The following FGF13 variants were observed in gnomAD, a reference collection of about 807,000 sequenced individuals.
FGF13 encodes the protein fibroblast growth factor homologous factor 2.
Under a neutral mutation model 19.5 loss-of-function variants are expected in FGF13, and 2 were observed. The observed-to-expected ratio is 0.10, with a 90% CI of 0.04 to 0.32. The LOEUF (loss-of-function observed/expected upper bound fraction) is 0.32, where lower values mean the gene tolerates loss of function less well. FGF13 is among the 10% of genes least tolerant of loss of function. FGF13 has a pLI of 1.00. For synonymous variants in FGF13, 72 were observed against 76.9 expected, an observed-to-expected ratio of 0.94 and a Z score of 0.33; for missense variants, 113 against 192.7, an observed-to-expected ratio of 0.59 and a Z score of 2.45.
chrX:138,770,311 C>A (rs2090535405), intron 3 of FGF13, among the ~76,000 whole-genome samples: 2 of 111,029 alleles, frequency 1.8e-5, no homozygotes, highest in Non-Finnish European at 3.8e-5. Context: ...TATAATTTGC[C>A]ACACCCTCAG....
intron 3 of FGF13, among the ~76,000 whole-genome samples, chrX:138,806,032 G>T (rs2090864566): frequency 9.0e-6 from 1 of 111,500 alleles, no homozygotes; most frequent in African/African-American, 3.3e-5. Context: ...GGCTGTTAAT[G>T]AATAACTAGG....
At chrX:138,735,999 G>T (rs2090271576) in intron 1 of FGF13, among the ~76,000 whole-genome samples, 1 of 112,307 alleles carries the variant, frequency 8.9e-6, no homozygotes, top group African/African-American at 3.2e-5. Context: ...TATAAAACGA[G>T]AGACACTTAT....
chrX:138,719,174 G>A (rs2090130443), intron 1 of FGF13, among the ~76,000 whole-genome samples: 1 of 112,224 alleles, frequency 8.9e-6, no homozygotes, highest in African/African-American at 3.2e-5. Context: ...TTGCTCAACA[G>A]TGGTGCCTGG....
chrX:138,830,730 T>TGTGTG (rs1569406299), intron 3 of FGF13, among the ~76,000 whole-genome samples: 12 of 99,067 alleles, frequency 1.2e-4, no homozygotes, highest in East Asian at 3.2e-4. Context: ...TGTGTGTGTG[T>TGTGTG]TTTAAGCTAT....
rs1167915042 is a variant in FGF13 at position 138,628,911 on chromosome X, A to G, written c.*3939T>C. The G allele has an allele frequency of 8.9e-6, 1 of 112,029 alleles. No homozygotes were observed. The highest frequency in any genetic ancestry group is 3.2e-5 in the African/African-American group (1 of 30,834). 9.2% of individuals were successfully genotyped at this position (112,029 alleles called of 1,213,427 possible). On this transcript the variant is annotated 3_prime_UTR_variant, in exon 5 of 5. Transcript: ENST00000315930. ...ACAAACAAAACTCCTGGGAGGGGGA[A>G]TTGGAGCCTGTTTTGCTTTTAAAAA...
At chrX:138,776,153 C>T (rs1347905653) in intron 3 of FGF13, among the ~76,000 whole-genome samples, 1 of 112,237 alleles carries the variant, frequency 8.9e-6, no homozygotes. Flanking sequence ...TCTACCAAGA[C>T]TGATATTATG....
chrX:138,805,302 C>T (rs1283355110), intron 3 of FGF13, among the ~76,000 whole-genome samples: 1 of 111,524 alleles, frequency 9.0e-6, no homozygotes, highest in East Asian at 2.8e-4. Flanking sequence ...TCCCTTAAAC[C>T]CATTTAAAAT....
Position 138,984,693 on chromosome X carries a change from G to GAGA in FGF13, c.-112-120046_-112-120044dup, listed in dbSNP as rs778061986. ...GAAGGTGAAGGAGAAGAAGAAGGAG[G>GAGA]AGAAGAAGAAGAAGAGAAGGAGGAG... On this transcript the variant is annotated intron_variant, in intron 1 of 2. Transcript: ENST00000421460. 4.1e-3 allele frequency among the ~76,000 whole-genome samples: 291 copies of GAGA among 71,782 alleles called. 16 individuals are homozygous for GAGA. The highest frequency in any genetic ancestry group is 0.012 in the African/African-American group (217 of 17,872). The allele number at this position is 71,782 out of a possible 115,157, so 62.3% of individuals were successfully genotyped here. A position where few individuals can be genotyped will look rare whatever the true frequency, so the allele number is the denominator to read the frequency against.
intron 1 of FGF13, among the ~76,000 whole-genome samples, chrX:138,866,588 C>G (rs1473611852): frequency 9.0e-6 from 1 of 110,858 alleles, no homozygotes; most frequent in East Asian, 2.8e-4. Flanking sequence ...CCCACCACCA[C>G]TTACCACCAG....
chrX:138,863,947 C>T (rs1430770583), intron 2 of FGF13, among the ~76,000 whole-genome samples: 3 of 111,875 alleles, frequency 2.7e-5, no homozygotes, highest in Non-Finnish European at 5.6e-5. Flanking sequence ...TTTTGATATT[C>T]GAAGCCTGAT....
At chrX:138,773,444 C>T (rs1167241202) in intron 3 of FGF13, among the ~76,000 whole-genome samples, 2 of 111,991 alleles carry the variant, frequency 1.8e-5, no homozygotes, top group Non-Finnish European at 3.8e-5. Context: ...GTCATTATTC[C>T]CACTTGGACG....
chrX:139,201,535 T>TCAAGGTATCTATG (rs1391760064), intron 1 of FGF13, among the ~76,000 whole-genome samples: 1 of 112,334 alleles, frequency 8.9e-6, no homozygotes, highest in Non-Finnish European at 1.9e-5. Context: ...GTGTGTATAT[T>TCAAGGTATCTATG]CAAGGTATCT....
chrX:138,999,679 T>C (rs911165428), intron 1 of FGF13, among the ~76,000 whole-genome samples: 1 of 111,732 alleles, frequency 8.9e-6, no homozygotes, highest in Non-Finnish European at 1.9e-5. Context: ...GGTTTTGAAA[T>C]TGAGGCAGTA....
chrX:138,918,570 C>T (rs1369372315), intron 1 of FGF13, among the ~76,000 whole-genome samples: 1 of 111,569 alleles, frequency 9.0e-6, no homozygotes, highest in African/African-American at 3.3e-5. Context: ...GATAAAGGGT[C>T]ACTGATCACT....
At chrX:138,706,749 G>A (rs1231674221) in intron 2 of FGF13, among the ~76,000 whole-genome samples, 3 of 111,717 alleles carry the variant, frequency 2.7e-5, no homozygotes, top group Non-Finnish European at 5.6e-5. Flanking sequence ...TGATATACCA[G>A]TTTAATCATT....
At chrX:138,988,885 A>G (rs763780642) in intron 1 of FGF13, among the ~76,000 whole-genome samples, 2 of 112,065 alleles carry the variant, frequency 1.8e-5, no homozygotes, top group Admixed American at 9.5e-5. Flanking sequence ...ATAAATTTTT[A>G]TACTTCATTT....
intron 1 of FGF13, among the ~76,000 whole-genome samples, chrX:139,018,526 C>A (rs2092163408): frequency 9.0e-6 from 1 of 111,331 alleles, no homozygotes; most frequent in Non-Finnish European, 1.9e-5. Context: ...AGGAAGCTGC[C>A]AAATGTAGCT....
chrX:139,188,895 GC>G (rs2084301906), intron 1 of FGF13, among the ~76,000 whole-genome samples: 1 of 111,782 alleles, frequency 8.9e-6, no homozygotes, highest in Non-Finnish European at 1.9e-5. Context: ...TGCCTTATGA[GC>G]CAGGCTTTGT....
intron 1 of FGF13, among the ~76,000 whole-genome samples, chrX:138,987,363 A>G (rs886688467): frequency 8.9e-6 from 1 of 112,010 alleles, no homozygotes; most frequent in Non-Finnish European, 1.9e-5. Flanking sequence ...CCTCTGGGTT[A>G]TTCTGAATAC....
Sources: gnomAD v4.1 joint callset for allele counts (sites outside exome capture counted in the v4.1 genomes callset) on GRCh38, gnomAD v4.1.1 for gene constraint, MANE v1.5 for transcripts, NCBI Gene and HGNC (gene_info 2026-07-23, HGNC 2026-07-21) for gene names.